ATP7B: variants seen among roughly 807,000 people sequenced by gnomAD.
The protein encoded by ATP7B is ATPase copper transporting beta.
ATP7B carries 113 observed loss-of-function variants against 118.9 expected under a neutral mutation model. That is an observed-to-expected ratio of 0.95 (90% CI 0.82 to 1.11). The LOEUF (loss-of-function observed/expected upper bound fraction) is 1.11, where lower values mean the gene tolerates loss of function less well. Among genes scored for constraint, ATP7B ranks in the 50% most tolerant of loss-of-function variants. The pLI, the probability that ATP7B is intolerant of heterozygous loss-of-function variation, is 0.00. For synonymous variants in ATP7B, 777 were observed against 727.4 expected (o/e 1.07, Z -1.10); for missense variants, 1,867 against 1,871.4 (o/e 1.00, Z 0.04).
Position 51,944,330 on chromosome 13 carries a change from A to AT in ATP7B, c.3061-40dup, listed in dbSNP as rs1487609574. On this transcript the variant is annotated intron_variant, in intron 13 of 20. Transcript: ENST00000242839. The stretch of plus-strand genomic sequence containing the variant: ...CCACAACTCACTGACCACAATACAG[A>AT]TGGAGGGGCTTCCATAGTCACACTC... 2.5e-6 allele frequency: 4 copies of AT among 1,612,006 alleles called. No homozygotes were observed. In the African/African-American group the frequency reaches 5.3e-5, roughly 21 times the overall value.
intron 4 of ATP7B, among the ~76,000 whole-genome samples, chr13:51,966,142 C>T (rs1286643175): frequency 6.6e-6 from 1 of 152,256 alleles, no homozygotes; most frequent in African/African-American, 2.4e-5. Context: ...ACAACAATAA[C>T]AGGTAGCATT....
Position 51,974,611 on chromosome 13 carries a change from G to A in ATP7B, c.609C>T (p.Asp203=), listed in dbSNP as rs781140058. ...TCTTGATGGCAGCTTCAAATCCCAT[G>A]TCATTTACATGGTCCCTGAGGTCTT... ...QPEDLRDHVN[D]MGFEAAIKSK... The change falls in exon 2 of 21, where the codon GAC becomes GAT. Residue 203 remains aspartate (D), a synonymous_variant. Coordinates refer to ENST00000242839, the MANE Select transcript of ATP7B (RefSeq NM_000053.4). The A allele has an allele frequency of 7.4e-6, 12 of 1,613,586 alleles. No homozygotes were observed. Among genetic ancestry groups the A allele is most frequent in the Non-Finnish European group, 1.0e-5 (12 of 1,179,804 alleles).
At chr13:51,960,556 C>A (rs1268954230) in intron 6 of ATP7B, among the ~76,000 whole-genome samples, 1 of 152,166 alleles carries the variant, frequency 6.6e-6, no homozygotes, top group Admixed American at 6.5e-5. Flanking sequence ...TGAGGCCCAG[C>A]CCCTGCCTTC....
chr13:52,008,145 C>T (rs1953863645), intron 1 of ATP7B, among the ~76,000 whole-genome samples: 1 of 151,886 alleles, frequency 6.6e-6, no homozygotes, highest in Non-Finnish European at 1.5e-5. Flanking sequence ...ATAGAGATGA[C>T]CCTGACCAAC....
At chr13:51,944,351 C>T (rs1957524788) in intron 13 of ATP7B, 60 bp from the exon 14 acceptor site, 2 of 1,601,338 alleles carry the variant, frequency 1.2e-6, no homozygotes, top group East Asian at 2.2e-5. Flanking sequence ...TCCATAGTCA[C>T]ACTCCTGAGG....
At chr13:51,983,883 T>C (rs542947008) in intron 1 of ATP7B, among the ~76,000 whole-genome samples, 1 of 151,900 alleles carries the variant, frequency 6.6e-6, no homozygotes, top group Admixed American at 6.6e-5. Context: ...AAAAAGGACG[T>C]CCACTCAGAA....
Position 51,974,120 on chromosome 13 carries a change from C to A in ATP7B, c.1100G>T (p.Gly367Val). The change falls in exon 2 of 21, where the codon GGC becomes GTC. Residue 367 changes from glycine (G) to valine (V), a missense_variant. Transcript: ENST00000242839. ...TCSTTLIAIA[G>V]MTCASCVHSI... is the part of the protein sequence containing the mutation. ...ATGGACACAGGATGCACAGGTCATG[C>A]CGGCAATGGCAATCAGAGTGGTACT... 6.2e-7 allele frequency: 1 copy of A among 1,613,960 alleles called. No individual in the cohort carries two copies. The highest frequency in any genetic ancestry group is 1.1e-5 in the South Asian group (1 of 91,076).
intron 6 of ATP7B, 39 bp downstream of exon 6, chr13:51,961,798 T>C (rs369126861): frequency 6.3e-7 from 1 of 1,587,630 alleles, no homozygotes; most frequent in Middle Eastern, 1.7e-4. Context: ...GGAAGGGACT[T>C]AGATGAGAGC....
chr13:51,963,325 T>G lies in ATP7B; in HGVS notation c.1870-1412A>C, dbSNP rs181506102. Among the ~76,000 whole-genome samples, 407 of 152,284 alleles carry G rather than the reference T, an allele frequency of 2.7e-3. 1 individual carries two copies. The highest frequency in any genetic ancestry group is 9.4e-3 in the African/African-American group (389 of 41,546). On this transcript the variant is annotated intron_variant, in intron 5 of 20. Transcript: ENST00000242839. ...TCTGCTGTCCGTGAGCTGGGTATTGTGAGTAAAGTTACTTAACCTCTCTGA... is the reference window on the plus strand; with the variant it reads ...TCTGCTGTCCGTGAGCTGGGTATTGGGAGTAAAGTTACTTAACCTCTCTGA...
intron 1 of ATP7B, among the ~76,000 whole-genome samples, chr13:51,992,502 T>C (rs1952964590): frequency 6.6e-6 from 1 of 152,212 alleles, no homozygotes; most frequent in Non-Finnish European, 1.5e-5. Context: ...ATATACCAAG[T>C]GCTAAATGTT....
chr13:51,983,626 C>T (rs539365969), intron 1 of ATP7B, among the ~76,000 whole-genome samples: 1 of 148,616 alleles, frequency 6.7e-6, no homozygotes, highest in South Asian at 2.2e-4. Context: ...AGGAGACACC[C>T]CCCAGCAGGG....
intron 8 of ATP7B, 167 bp from the exon 9 acceptor site, chr13:51,957,774 G>A (rs1181953399): frequency 1.5e-6 from 1 of 668,176 alleles, no homozygotes; most frequent in Non-Finnish European, 2.7e-6. Flanking sequence ...CACCACACAT[G>A]GCCACATGTC....
At chr13:51,967,021 T>C in intron 4 of ATP7B, 4 of 1,612,206 alleles carry the variant, frequency 2.5e-6, no homozygotes, top group Middle Eastern at 1.7e-4. Context: ...AGATGGTGCA[T>C]TGGTTCAGCA....
chr13:51,964,900 C>G lies in ATP7B; in HGVS notation c.1841G>C (p.Gly614Ala). ...AATAATTTTGATAATATCCCGTGGA[C>G]CGATAATTTCCGGGTCAAACTTAAC... ...ALVKFDPEII[G>A]PRDIIKIIEE... The change falls in exon 5 of 21, where the codon GGT becomes GCT. Residue 614 changes from glycine (G) to alanine (A), a missense_variant. Gly to Ala is a moderately conservative substitution (Grantham distance 60, BLOSUM62 0). Coordinates refer to ENST00000242839, the MANE Select transcript of ATP7B (RefSeq NM_000053.4). The G allele has an allele frequency of 6.2e-7, 1 of 1,614,058 alleles. No homozygotes were observed. Among genetic ancestry groups the G allele is most frequent in the Non-Finnish European group, 8.5e-7 (1 of 1,180,024 alleles).
chr13:51,962,029 C>T (rs925800810), intron 5 of ATP7B, 116 bp from the exon 6 acceptor site: 3 of 839,850 alleles, frequency 3.6e-6, no homozygotes, highest in Non-Finnish European at 3.9e-6. Flanking sequence ...AAAAGTGCCT[C>T]AGTAGACTTT....
chr13:51,981,268 A>G (rs906157601), intron 1 of ATP7B, among the ~76,000 whole-genome samples: 1 of 152,208 alleles, frequency 6.6e-6, no homozygotes, highest in African/African-American at 2.4e-5. Flanking sequence ...GTGAAATGAA[A>G]ATAAACAGCC....
chr13:51,963,701 A>G (rs1566553647), intron 5 of ATP7B, among the ~76,000 whole-genome samples: 1 of 133,212 alleles, frequency 7.5e-6, no homozygotes, highest in Non-Finnish European at 1.5e-5. Flanking sequence ...ATGCCATCAC[A>G]CTCCAGCCTG....
In ATP7B at chr13:51,950,362, C is replaced by G. The variant is rs181388674; in HGVS notation, c.2485G>C (p.Asp829His). Reference protein sequence around the residue: ...QVPMELVQRGDIVKVVPGGKF... With the variant: ...QVPMELVQRGHIVKVVPGGKF... ...CCCCCAGGGACCACCTTGACGATAT[C>G]GCCCCGCTGCACCAGCTCCATGGGG... The change falls in exon 10 of 21, where the codon GAT (aspartate) becomes CAT (histidine). Residue 829 changes from aspartate (D) to histidine (H), a missense_variant. Coordinates refer to ENST00000242839, the MANE Select transcript of ATP7B (RefSeq NM_000053.4). 1.2e-6 allele frequency: 2 copies of G among 1,614,046 alleles called. No individual in the cohort carries two copies. Among genetic ancestry groups the G allele is most frequent in the Non-Finnish European group, 1.7e-6 (2 of 1,180,040 alleles).
Position 51,934,320 on chromosome 13 carries a change from T to A in ATP7B, c.*436A>T, listed in dbSNP as rs1054528327. The A allele has an allele frequency of 3.5e-6, 1 of 284,344 alleles. No homozygotes were observed. The highest frequency in any genetic ancestry group is 7.0e-6 in the Non-Finnish European group (1 of 142,844). The allele number at this position is 284,344 out of a possible 1,614,324, so 17.6% of individuals were successfully genotyped here. On this transcript the variant is annotated 3_prime_UTR_variant, in exon 21 of 21. Transcript: ENST00000242839. ...GTAAACTGTGGTCTCAGAAACATGA[T>A]GCACACAGACAGGCGTCATCAGAAA...
Sources: allele counts gnomAD v4.1 joint callset (sites outside exome capture counted in the v4.1 genomes callset), GRCh38; gene constraint gnomAD v4.1.1; transcripts MANE v1.5; gene names NCBI Gene and HGNC (gene_info 2026-07-23, HGNC 2026-07-21).